The following CTNNA3 variants were observed in gnomAD, a reference collection of about 807,000 sequenced individuals.
CTNNA3 encodes catenin alpha 3.
CTNNA3 carries 76 observed loss-of-function variants against 95.7 expected under a neutral mutation model. That is an observed-to-expected ratio of 0.79 (90% CI 0.66 to 0.96). The LOEUF is 0.96. Among genes scored for constraint, CTNNA3 ranks in the 40% least tolerant of loss-of-function variants. CTNNA3 has a pLI of 0.00. For synonymous variants in CTNNA3, 431 were observed against 374.4 expected, an observed-to-expected ratio of 1.15 and a Z score of -1.74; for missense variants, 1,191 against 1,089.8, an observed-to-expected ratio of 1.09 and a Z score of -1.31.
chr10:67,729,398 C>A (rs1019997586), intron 1 of CTNNA3, among the ~76,000 whole-genome samples: 2 of 152,098 alleles, frequency 1.3e-5, no homozygotes, highest in African/African-American at 4.8e-5. Context: ...TACTCTCTAA[C>A]CTGCATTTTC....
chr10:66,114,895 A>G (rs919061276), intron 13 of CTNNA3, among the ~76,000 whole-genome samples: 1 of 151,936 alleles, frequency 6.6e-6, no homozygotes, highest in Non-Finnish European at 1.5e-5. Flanking sequence ...AAAAAGAAAA[A>G]GAAAAAGTAA....
chr10:67,247,738 A>C (rs962323711), intron 5 of CTNNA3, among the ~76,000 whole-genome samples: 1 of 152,192 alleles, frequency 6.6e-6, no homozygotes, highest in Non-Finnish European at 1.5e-5. Flanking sequence ...CAATGTTGGA[A>C]GAATTCCCCT....
chr10:67,311,310 G>A (rs1840788729), intron 5 of CTNNA3, among the ~76,000 whole-genome samples: 1 of 152,130 alleles, frequency 6.6e-6, no homozygotes, highest in South Asian at 2.1e-4. Flanking sequence ...ACAGATAAAG[G>A]AAGAATGAGA....
chr10:66,411,686 A>G (rs2093106621), intron 11 of CTNNA3, among the ~76,000 whole-genome samples: 4 of 152,216 alleles, frequency 2.6e-5, no homozygotes, highest in Admixed American at 2.0e-4. Context: ...GATAAGGACT[A>G]TAATTTCAGA....
rs187491247 is a variant in CTNNA3, at chr10:67,095,534, A to G, written c.1047+84783T>C. On this transcript the variant is annotated intron_variant, in intron 7 of 17. Transcript: ENST00000433211. Reference sequence around the variant, plus strand: ...CTCTGCATACCAGTCAGTAGCCTTGATACATTAAATCAAGCAGGAAATTGT... The same window carrying G: ...CTCTGCATACCAGTCAGTAGCCTTGGTACATTAAATCAAGCAGGAAATTGT... Among the ~76,000 whole-genome samples, 19 of 151,944 alleles carry G rather than the reference A, an allele frequency of 1.3e-4. No individual in the cohort carries two copies. The East Asian group carries it at 3.5e-3, about 28-fold the overall frequency.
Position 66,676,585 on chromosome 10 carries a change from C to G in CTNNA3, c.1282-54801G>C, listed in dbSNP as rs567756102. On this transcript the variant is annotated intron_variant, in intron 9 of 17. Transcript: ENST00000433211. The stretch of plus-strand genomic sequence containing the variant: ...ACTTCAGAGAAACCATTTCTCATAG[C>G]CTGCCTCTCTCTCTTTCTCCCTCTC... 7.9e-5 allele frequency among the ~76,000 whole-genome samples: 12 copies of G among 152,182 alleles called. No individual in the cohort carries two copies. In the East Asian group the frequency reaches 2.1e-3, roughly 27 times the overall value.
chr10:66,808,284 C>T (rs544890274), intron 7 of CTNNA3, among the ~76,000 whole-genome samples: 3 of 152,114 alleles, frequency 2.0e-5, no homozygotes, highest in African/African-American at 7.2e-5. Context: ...AGTAGTTAGA[C>T]CAGAGCATAC....
chr10:67,691,925 CGGGA>C (rs1840867836), intron 1 of CTNNA3, among the ~76,000 whole-genome samples: 1 of 149,164 alleles, frequency 6.7e-6, no homozygotes, highest in African/African-American at 2.5e-5. Context: ...CCACCCCGTC[CGGGA>C]GGGAGGGAGG....
chr10:66,069,105 C>T (rs1383401740), intron 15 of CTNNA3, among the ~76,000 whole-genome samples: 1 of 152,116 alleles, frequency 6.6e-6, no homozygotes, highest in Non-Finnish European at 1.5e-5. Flanking sequence ...ACCAATTCCA[C>T]AGAAGTTTCT....
At chr10:67,029,077 G>A (rs905481732) in intron 7 of CTNNA3, among the ~76,000 whole-genome samples, 7 of 152,094 alleles carry the variant, frequency 4.6e-5, no homozygotes, top group Admixed American at 3.3e-4. Flanking sequence ...AGCACACTAC[G>A]GTGAGTTCAA....
intron 12 of CTNNA3, among the ~76,000 whole-genome samples, chr10:66,333,632 G>A (rs918607814): frequency 6.6e-6 from 1 of 151,944 alleles, no homozygotes; most frequent in Non-Finnish European, 1.5e-5. Context: ...ATTTGCTGAG[G>A]AGTGCTTTAC....
At chr10:67,250,897 C>T (rs1866083425) in intron 5 of CTNNA3, among the ~76,000 whole-genome samples, 1 of 152,130 alleles carries the variant, frequency 6.6e-6, no homozygotes, top group African/African-American at 2.4e-5. Context: ...AATGGTACAG[C>T]CACTTTGGAA....
chr10:66,103,270 A>G (rs573483189), intron 13 of CTNNA3, 21 bp from the exon 14 acceptor site: 7 of 1,566,618 alleles, frequency 4.5e-6, no homozygotes, highest in Admixed American at 1.7e-5. Context: ...AAAGCAAAAC[A>G]TTGCTAGTGG....
At position 66,717,527 on chromosome 10, in the gene CTNNA3, G is replaced by A. The variant is rs371230752; in HGVS notation, c.1281+48737C>T. ...GGCTGGAAATAAACGTTCAATACAT[G>A]TCTGTCAAAGGTTAGAGAATCAAAA... On this transcript the variant is annotated intron_variant, in intron 9 of 17. Transcript: ENST00000433211. Among the ~76,000 whole-genome samples, 5 of 152,222 alleles carry A rather than the reference G, an allele frequency of 3.3e-5. No homozygotes were observed. The East Asian group carries it at 7.7e-4, about 24-fold the overall frequency.
rs573376125 is a variant in CTNNA3 at position 65,919,358 on chromosome 10, A to G, written c.*972T>C. ...GCTTCATAGTTCAATGGTACAGTTC[A>G]TGCAGTTATATTTTACTCAACGTCA... On this transcript the variant is annotated 3_prime_UTR_variant, in exon 18 of 18. Transcript: ENST00000433211. The G allele has an allele frequency of 1.3e-5, 2 of 152,326 alleles. No individual in the cohort carries two copies. The highest frequency in any genetic ancestry group is 4.1e-4 in the South Asian group (2 of 4,824). 9.4% of individuals were successfully genotyped at this position (152,326 alleles called of 1,614,324 possible).
intron 6 of CTNNA3, among the ~76,000 whole-genome samples, chr10:67,205,401 T>C (rs79167171): frequency 0.031 from 4,740 of 152,256 alleles, 198 homozygotes; most frequent in African/African-American, 0.096. Flanking sequence ...AGTAAATAAT[T>C]TTATTTAGTT....
At chr10:67,348,665 T>A (rs1331538143) in intron 5 of CTNNA3, among the ~76,000 whole-genome samples, 1 of 152,012 alleles carries the variant, frequency 6.6e-6, no homozygotes, top group Non-Finnish European at 1.5e-5. Flanking sequence ...ATTCACAGAA[T>A]GAGAACCCAC....
Position 66,648,296 on chromosome 10 carries a change from G to A in CTNNA3, c.1282-26512C>T, listed in dbSNP as rs552774991. On this transcript the variant is annotated intron_variant, in intron 9 of 17. Coordinates refer to ENST00000433211, the MANE Select transcript of CTNNA3 (RefSeq NM_013266.4). ...CACAGCGGCTGATGCCCATCAAAAG[G>A]GCATTAGGAAAATCACTCTGCGGGA... Among the ~76,000 whole-genome samples the A allele has an allele frequency of 9.2e-5, 14 of 152,186 alleles. 1 individual carries two copies. The East Asian group carries it at 2.7e-3, about 29-fold the overall frequency.
intron 7 of CTNNA3, among the ~76,000 whole-genome samples, chr10:66,873,495 G>C (rs544968651): frequency 3.0e-4 from 45 of 150,076 alleles, no homozygotes; most frequent in Admixed American, 2.3e-3. Context: ...TTTCATGTTT[G>C]TTGGCATCTT....
Sources: gnomAD v4.1 joint callset for allele counts (sites outside exome capture counted in the v4.1 genomes callset) on GRCh38, gnomAD v4.1.1 for gene constraint, MANE v1.5 for transcripts, NCBI Gene and HGNC (gene_info 2026-07-23, HGNC 2026-07-21) for gene names.